CSMD1: variants seen among roughly 807,000 people sequenced by gnomAD.
The protein encoded by CSMD1 is CUB and Sushi multiple domains 1, also known as CUB and sushi domain-containing protein 1.
Under a neutral mutation model 417.5 loss-of-function variants are expected in CSMD1, and 213 were observed. The observed-to-expected ratio is 0.51, with a 90% CI of 0.46 to 0.57. The LOEUF (loss-of-function observed/expected upper bound fraction) is 0.57. CSMD1 is among the 20% of genes least tolerant of loss of function. The probability of loss-of-function intolerance (pLI) is 0.00; values close to 1 mark genes in which losing one functional copy is unlikely to be tolerated. For synonymous variants in CSMD1, 2,862 were observed against 1,736.8 expected (o/e 1.65, Z -16.11); for missense variants, 6,923 against 4,529.7 (o/e 1.53, Z -15.17).
intron 8 of CSMD1, among the ~76,000 whole-genome samples, chr8:3,615,156 G>T (rs112043398): frequency 6.6e-6 from 1 of 152,274 alleles, no homozygotes; most frequent in South Asian, 2.1e-4. Context: ...CACACTCACT[G>T]CATTGCTAAT....
chr8:4,841,452 G>C (rs1360584091), intron 1 of CSMD1, among the ~76,000 whole-genome samples: 1 of 152,120 alleles, frequency 6.6e-6, no homozygotes, highest in Non-Finnish European at 1.5e-5. Flanking sequence ...TATGTGTTCA[G>C]TGTTAAACGA....
At chr8:3,539,927 C>G (rs1798368295) in intron 10 of CSMD1, among the ~76,000 whole-genome samples, 1 of 152,120 alleles carries the variant, frequency 6.6e-6, no homozygotes. Flanking sequence ...CATGGATAGA[C>G]CATAACTTCT....
chr8:4,918,974 T>C (rs1368169440), intron 1 of CSMD1, among the ~76,000 whole-genome samples: 1 of 152,170 alleles, frequency 6.6e-6, no homozygotes, highest in African/African-American at 2.4e-5. Flanking sequence ...GCTATTACGA[T>C]TGAGTTGTTT....
intron 2 of CSMD1, among the ~76,000 whole-genome samples, chr8:4,630,641 G>C (rs1478851006): frequency 6.6e-6 from 1 of 152,162 alleles, no homozygotes; most frequent in African/African-American, 2.4e-5. Context: ...AGGTAGAATA[G>C]TGACAAAATC....
intron 5 of CSMD1, among the ~76,000 whole-genome samples, chr8:3,971,604 C>A (rs191804719): frequency 6.6e-6 from 1 of 152,018 alleles, no homozygotes; most frequent in African/African-American, 2.4e-5. Context: ...TCAGTTTTGA[C>A]GGTCACTTCT....
At chr8:4,958,626 A>C (rs1414416445) in intron 1 of CSMD1, among the ~76,000 whole-genome samples, 7 of 152,172 alleles carry the variant, frequency 4.6e-5, no homozygotes, top group African/African-American at 7.2e-5. Flanking sequence ...AAGCTATTCA[A>C]GTATGGGATC....
intron 3 of CSMD1, among the ~76,000 whole-genome samples, chr8:4,047,725 TA>T (rs1798221798): frequency 6.6e-6 from 1 of 152,088 alleles, no homozygotes; most frequent in South Asian, 2.1e-4. Flanking sequence ...TTTTAAATGC[TA>T]TGGAGAAAAA....
chr8:3,824,642 T>C (rs985534328), intron 5 of CSMD1, among the ~76,000 whole-genome samples: 2 of 152,220 alleles, frequency 1.3e-5, no homozygotes, highest in East Asian at 3.9e-4. Context: ...GATTACATGC[T>C]GAAATAGCAT....
chr8:3,323,432 C>G (rs1806282968), intron 23 of CSMD1, among the ~76,000 whole-genome samples: 2 of 151,708 alleles, frequency 1.3e-5, no homozygotes, highest in South Asian at 2.1e-4. Context: ...GCCAGAAACG[C>G]TGGTCCATTC....
At chr8:4,587,179 GC>G in intron 2 of CSMD1, among the ~76,000 whole-genome samples, 1 of 152,100 alleles carries the variant, frequency 6.6e-6, no homozygotes, top group East Asian at 1.9e-4. Flanking sequence ...AGCTTTTATG[GC>G]TTACTTGAAG....
At chr8:3,170,275 T>G (rs1044533503) in intron 37 of CSMD1, among the ~76,000 whole-genome samples, 2 of 152,238 alleles carry the variant, frequency 1.3e-5, no homozygotes, top group African/African-American at 2.4e-5. Flanking sequence ...TGGTGTGATC[T>G]TGGCTCACTG....
In CSMD1 at chr8:3,467,519, G is replaced by T. The variant is rs578028795; in HGVS notation, c.1561+1193C>A. ...CCTCTGCATTCTAGTTTTAGTCATT[G>T]AAAGGGATGTAAATATACATTTTTT... On this transcript the variant is annotated intron_variant, in intron 12 of 69. Transcript: ENST00000635120. 2.0e-5 allele frequency among the ~76,000 whole-genome samples: 3 copies of T among 152,340 alleles called. No individual in the cohort carries two copies. The East Asian group carries it at 5.8e-4, about 29-fold the overall frequency.
chr8:3,346,103 C>A lies in CSMD1; in HGVS notation c.3474+1889G>T, dbSNP rs776859490. Among the ~76,000 whole-genome samples, 12 of 152,242 alleles carry A rather than the reference C, an allele frequency of 7.9e-5. No individual in the cohort carries two copies. In the Middle Eastern group the frequency reaches 0.014, roughly 173 times the overall value. ...ATAATTTTACTATAAACATTTTTAACAGAGATATTTTTTAGCATATTTAAC... is the reference window on the plus strand; with the variant it reads ...ATAATTTTACTATAAACATTTTTAAAAGAGATATTTTTTAGCATATTTAAC... On this transcript the variant is annotated intron_variant, in intron 22 of 69. Coordinates refer to ENST00000635120, the MANE Select transcript of CSMD1 (RefSeq NM_033225.6).
chr8:3,387,387 A>C, intron 18 of CSMD1, 107 bp downstream of exon 18: 1 of 858,332 alleles, frequency 1.2e-6, no homozygotes, highest in Non-Finnish European at 1.8e-6. Flanking sequence ...AACTCACGCC[A>C]GTCGTAAGGT....
chr8:3,029,409 T>C lies in CSMD1; in HGVS notation c.7765A>G (p.Ser2589Gly). 2 of 1,612,306 alleles carry C rather than the reference T, an allele frequency of 1.2e-6. No homozygotes were observed. The highest frequency in any genetic ancestry group is 1.7e-6 in the Non-Finnish European group (2 of 1,179,522). ...EYGAQVLLSC[S>G]PGYYLEGWRL... ...CAGCCTTCTAAGTAGTAACCAGGACTGCAGCTCAGCAATACTTGAGCACCG... is the reference window on the plus strand; with the variant it reads ...CAGCCTTCTAAGTAGTAACCAGGACCGCAGCTCAGCAATACTTGAGCACCG... Residue 2589 changes from serine to glycine, a missense_variant, in exon 51 of 70, where the codon AGT becomes GGT. Transcript: ENST00000635120.
rs114155776 is a variant in CSMD1, at chr8:3,513,805, G to A, written c.1345-20079C>T. On this transcript the variant is annotated intron_variant, in intron 10 of 69. Coordinates refer to ENST00000635120, the MANE Select transcript of CSMD1 (RefSeq NM_033225.6). ...GAGAGATAGACAGCATTTTAATTAC[G>A]TAATAGAGTACAGAATAAGAAAACT... Among the ~76,000 whole-genome samples the A allele has an allele frequency of 7.7e-3, 1,171 of 152,264 alleles. 21 individuals are homozygous for A. The highest frequency in any genetic ancestry group is 0.027 in the African/African-American group (1,102 of 41,560).
intron 10 of CSMD1, among the ~76,000 whole-genome samples, chr8:3,524,042 CAG>C (rs1267687506): frequency 3.4e-5 from 5 of 149,178 alleles, no homozygotes; most frequent in African/African-American, 7.4e-5. Flanking sequence ...CATGCACACC[CAG>C]AGACACGTGC....
At chr8:3,665,662 G>C (rs1798651467) in intron 7 of CSMD1, among the ~76,000 whole-genome samples, 1 of 152,090 alleles carries the variant, frequency 6.6e-6, no homozygotes, top group Non-Finnish European at 1.5e-5. Flanking sequence ...TCCACTTAAT[G>C]GGACAAACAG....
intron 12 of CSMD1, among the ~76,000 whole-genome samples, chr8:3,439,281 G>GTA (rs1168340584): frequency 0.039 from 2,117 of 54,224 alleles, 82 homozygotes; most frequent in Non-Finnish European, 0.043. Context: ...GGCAATGTCA[G>GTA]TATATATATA....
Sources: gnomAD v4.1 joint callset for allele counts (sites outside exome capture counted in the v4.1 genomes callset) on GRCh38, gnomAD v4.1.1 for gene constraint, MANE v1.5 for transcripts, NCBI Gene and HGNC (gene_info 2026-07-23, HGNC 2026-07-21) for gene names.